The following ABR variants were observed in gnomAD, a reference collection of about 807,000 sequenced individuals.
The protein encoded by ABR is ABR activator of RhoGEF and GTPase.
In ABR, 35 loss-of-function variants were observed where a neutral mutation model predicts 107.2. The observed-to-expected ratio is 0.33, with a 90% CI of 0.25 to 0.43. The LOEUF is 0.43. Ranked by LOEUF, ABR falls within the 20% of genes least tolerant of loss-of-function variation. The pLI is 1.00. For missense variants in ABR, 815 were observed against 1,115.2 expected (o/e 0.73, Z 3.83); for synonymous variants, 498 against 462.0 (o/e 1.08, Z -1.00).
At chr17:1,182,512 C>T (rs991470586), upstream of ABR, among the ~76,000 whole-genome samples, 21 of 152,196 alleles carry the variant, frequency 1.4e-4, no homozygotes, top group Admixed American at 1.2e-3. Flanking sequence ...GGACTACAGG[C>T]ACGTGCCACC....
chr17:1,067,642 A>G (rs2034863490), intron 9 of ABR, among the ~76,000 whole-genome samples: 2 of 152,194 alleles, frequency 1.3e-5, no homozygotes, highest in Non-Finnish European at 2.9e-5. Flanking sequence ...GCAATGGAAT[A>G]CAGGTGTTAT....
chr17:1,226,829 A>G (rs1211571542), intron 1 of ABR, among the ~76,000 whole-genome samples: 7 of 152,140 alleles, frequency 4.6e-5, no homozygotes, highest in Admixed American at 1.3e-4. Flanking sequence ...GTGTGCATGC[A>G]TGTATGTGGC....
At position 1,150,968 on chromosome 17, in the gene ABR, T is replaced by C. The variant is rs924824927; in HGVS notation, c.62-25601A>G. ...TCACGTATGCAACTTGCTGTCATCTTTCTAAAAGGTAAGAATGGAGGCAGG... is the reference window on the plus strand; with the variant it reads ...TCACGTATGCAACTTGCTGTCATCTCTCTAAAAGGTAAGAATGGAGGCAGG... On this transcript the variant is annotated intron_variant, in intron 1 of 22. Transcript: ENST00000302538. This position sits in a 1 kb window ranked among gnomAD's most constrained non-coding sequence, Gnocchi z 4.8. Among the ~76,000 whole-genome samples the C allele has an allele frequency of 2.0e-5, 3 of 152,096 alleles. No individual in the cohort carries two copies. The highest frequency in any genetic ancestry group is 3.8e-4 in the East Asian group (2 of 5,198).
At chr17:1,106,208 G>C (rs912588024) in intron 2 of ABR, among the ~76,000 whole-genome samples, 4 of 152,076 alleles carry the variant, frequency 2.6e-5, no homozygotes, top group Admixed American at 6.6e-5. Context: ...GGAAGATGAA[G>C]CGTCTTGGAA....
rs534569751 is a variant in ABR at position 1,008,044 on chromosome 17, C to T, written c.2343-732G>A. Among the ~76,000 whole-genome samples the T allele has an allele frequency of 5.3e-4, 80 of 152,270 alleles. 1 individual carries two copies. Among genetic ancestry groups the T allele is most frequent in the South Asian group, 1.5e-3 (7 of 4,824 alleles). On this transcript the variant is annotated intron_variant, in intron 21 of 22. Transcript: ENST00000302538. ...CCCAGGGCTTCCTCTTGTGCCTCTC[C>T]GGAAGGGTCTGCCTCATGGGACCCA...
At chr17:1,116,684 A>T (rs1010646282) in intron 2 of ABR, among the ~76,000 whole-genome samples, 41 of 152,278 alleles carry the variant, frequency 2.7e-4, no homozygotes, top group African/African-American at 8.4e-4. Context: ...CCTCCTTCCC[A>T]ACTGGGACAA....
chr17:1,049,641 G>T (rs907213821), intron 16 of ABR, among the ~76,000 whole-genome samples: 1 of 151,986 alleles, frequency 6.6e-6, no homozygotes. Context: ...AAGAGCAAAC[G>T]CCTGGTCCGT....
upstream of ABR, among the ~76,000 whole-genome samples, chr17:1,181,167 T>C (rs539521551): frequency 2.6e-5 from 4 of 152,306 alleles, no homozygotes; most frequent in African/African-American, 7.2e-5. Flanking sequence ...CGCAGAACGC[T>C]GGAGGGGTGT....
rs1344796564 is a variant in ABR, at chr17:1,150,353, G to GGTGTGCTGAGCACTTGCT, written c.62-25004_62-24987dup. On this transcript the variant is annotated intron_variant, in intron 1 of 22. Coordinates refer to ENST00000302538, the MANE Select transcript of ABR (RefSeq NM_021962.5). This position sits in a 1 kb window ranked among gnomAD's most constrained non-coding sequence, Gnocchi z 4.8. ...AAGGAGGTAAGAAGTCTGTGTTCCG[G>GGTGTGCTGAGCACTTGCT]GTGTGCTGAGCACTTGCTGTGTGCT... Among the ~76,000 whole-genome samples, 3 of 152,174 alleles carry GGTGTGCTGAGCACTTGCT rather than the reference G, an allele frequency of 2.0e-5. No homozygotes were observed. Among genetic ancestry groups the GGTGTGCTGAGCACTTGCT allele is most frequent in the Non-Finnish European group, 4.4e-5 (3 of 68,032 alleles).
At chr17:1,063,322 C>T (rs1398080398) in intron 10 of ABR, among the ~76,000 whole-genome samples, 1 of 117,006 alleles carries the variant, frequency 8.5e-6, no homozygotes, top group Admixed American at 8.5e-5. Flanking sequence ...GAACTGAGGG[C>T]TATGCATGTT....
At chr17:1,044,213 G>C (rs573528184) in intron 16 of ABR, among the ~76,000 whole-genome samples, 3 of 152,252 alleles carry the variant, frequency 2.0e-5, no homozygotes, top group Non-Finnish European at 4.4e-5. Context: ...GGGGCTCCCA[G>C]CTAAGCGGAC....
At chr17:1,114,810 T>C (rs34218629) in intron 2 of ABR, among the ~76,000 whole-genome samples, 24,524 of 151,962 alleles carry the variant, frequency 0.16, 2,030 homozygotes, top group East Asian at 0.26. Flanking sequence ...CTGGTGGGGC[T>C]GGGGAACAGA....
intron 2 of ABR, among the ~76,000 whole-genome samples, chr17:1,122,884 G>T (rs1156781193): frequency 6.6e-6 from 1 of 152,216 alleles, no homozygotes; most frequent in Non-Finnish European, 1.5e-5. Context: ...CAGCGATAAG[G>T]CGGTGCCAGA....
intron 5 of ABR, among the ~76,000 whole-genome samples, chr17:1,081,678 G>GA (rs1180828735): frequency 2.0e-5 from 3 of 152,206 alleles, no homozygotes; most frequent in Admixed American, 1.3e-4. Flanking sequence ...CCGGGTTCAA[G>GA]AGATTCTCCT....
intron 1 of ABR, among the ~76,000 whole-genome samples, chr17:1,169,619 C>T (rs2041633448): frequency 6.6e-6 from 1 of 152,130 alleles, no homozygotes; most frequent in South Asian, 2.1e-4. Context: ...GGCTCGAGGG[C>T]CGTCGTGGGT....
At position 1,083,542 on chromosome 17, in the gene ABR, T is replaced by C. The variant is rs758358070; in HGVS notation, c.617A>G (p.Asn206Ser). 21 of 1,610,078 alleles carry C rather than the reference T, an allele frequency of 1.3e-5. No homozygotes were observed. Among genetic ancestry groups the C allele is most frequent in the Non-Finnish European group, 1.6e-5 (19 of 1,177,360 alleles). ...ETAEKCSQSN[N>S]QFQKISEELK... Reference sequence around the variant, plus strand: ...TACCTCTGAGATCTTCTGGAACTGGTTGTTGGACTGGCTGCACTTCTCAGC... The same window carrying C: ...TACCTCTGAGATCTTCTGGAACTGGCTGTTGGACTGGCTGCACTTCTCAGC... Residue 206 changes from asparagine (N) to serine (S), a missense_variant, in exon 5 of 23, where the codon AAC becomes AGC. This residue lies in a region of ABR where 385 missense variants were observed against 596.9 expected (regional missense o/e 0.64). Coordinates refer to ENST00000302538, the MANE Select transcript of ABR (RefSeq NM_021962.5).
At position 1,054,595 on chromosome 17, in the gene ABR, G is replaced by C. The variant is rs866385053; in HGVS notation, c.1561+1440C>G. On this transcript the variant is annotated intron_variant, in intron 14 of 22. Coordinates refer to ENST00000302538, the MANE Select transcript of ABR (RefSeq NM_021962.5). ...GAGGGGATGGGGGCACAAGGAACCTGAGGGGATGGGGGCACAAGGAACCTC... is the reference window on the plus strand; with the variant it reads ...GAGGGGATGGGGGCACAAGGAACCTCAGGGGATGGGGGCACAAGGAACCTC... Among the ~76,000 whole-genome samples the C allele has an allele frequency of 5.5e-3, 392 of 71,756 alleles. 119 individuals are homozygous for C. The highest frequency in any genetic ancestry group is 7.0e-3 in the Non-Finnish European group (248 of 35,602). The allele number at this position is 71,756 out of a possible 152,430, so 47.1% of individuals were successfully genotyped here.
At chr17:1,177,351 G>A (rs987776512) in intron 1 of ABR, among the ~76,000 whole-genome samples, 1 of 152,094 alleles carries the variant, frequency 6.6e-6, no homozygotes, top group African/African-American at 2.4e-5. Flanking sequence ...CTCACACTGC[G>A]GCCACATCAG....
intron 1 of ABR, among the ~76,000 whole-genome samples, chr17:1,147,322 A>C (rs2040595457): frequency 6.6e-6 from 1 of 151,420 alleles, no homozygotes; most frequent in Non-Finnish European, 1.5e-5. Context: ...GCTTGTGTTA[A>C]GTGATGAGGA....
Sources: allele counts gnomAD v4.1 joint callset (sites outside exome capture counted in the v4.1 genomes callset), GRCh38; gene constraint gnomAD v4.1.1; regional missense constraint gnomAD v4.1.1; non-coding constraint Gnocchi (gnomAD v3.1); transcripts MANE v1.5; gene names NCBI Gene and HGNC (gene_info 2026-07-23, HGNC 2026-07-21).